STAU2: variants seen among roughly 807,000 people sequenced by gnomAD.
The protein encoded by STAU2 is double-stranded RNA-binding protein Staufen homolog 2.
In STAU2, 20 loss-of-function variants were observed where a neutral mutation model predicts 65.9. That is an observed-to-expected ratio of 0.30 (90% confidence interval 0.21 to 0.44). STAU2 has a LOEUF of 0.44. Among genes scored for constraint, STAU2 ranks in the 20% least tolerant of loss-of-function variants. The pLI is 1.00. For synonymous variants in STAU2, 232 were observed against 233.9 expected, an observed-to-expected ratio of 0.99 and a Z score of 0.07; for missense variants, 558 against 683.9, an observed-to-expected ratio of 0.82 and a Z score of 2.05.
intron 13 of STAU2, among the ~76,000 whole-genome samples, chr8:73,499,824 A>G (rs781660611): frequency 1.3e-5 from 2 of 151,828 alleles, no homozygotes; most frequent in African/African-American, 4.8e-5. Context: ...GTGAGAAAAC[A>G]AGTCCCAGGA....
chr8:73,562,984 C>T (rs1342263888), intron 12 of STAU2, among the ~76,000 whole-genome samples: 1 of 151,872 alleles, frequency 6.6e-6, no homozygotes, highest in African/African-American at 2.4e-5. Context: ...ATATAAAGTA[C>T]TTATCCAATT....
At chr8:73,724,680 T>A (rs1805500062) in intron 3 of STAU2, among the ~76,000 whole-genome samples, 4 of 146,474 alleles carry the variant, frequency 2.7e-5, no homozygotes, top group African/African-American at 1.0e-4. Flanking sequence ...TGTGTGTATA[T>A]ATATATATAT....
intron 13 of STAU2, among the ~76,000 whole-genome samples, chr8:73,443,839 C>T (rs905353960): frequency 2.2e-5 from 3 of 136,746 alleles, no homozygotes; most frequent in South Asian, 2.3e-4. Context: ...CAGAGTGACA[C>T]CCTGTCTCTT....
At chr8:73,658,955 A>AC (rs398008329) in intron 6 of STAU2, among the ~76,000 whole-genome samples, 1 of 150,286 alleles carries the variant, frequency 6.7e-6, no homozygotes, top group Non-Finnish European at 1.5e-5. Context: ...AAAAAAAAAA[A>AC]CCAACCATAC....
chr8:73,564,900 T>A (rs1808489312), intron 12 of STAU2, among the ~76,000 whole-genome samples: 1 of 152,050 alleles, frequency 6.6e-6, no homozygotes, highest in African/African-American at 2.4e-5. Context: ...GTTGTCCCAG[T>A]ATGGGTGTCG....
chr8:73,635,395 T>C (rs1814413837), intron 6 of STAU2, among the ~76,000 whole-genome samples: 1 of 152,116 alleles, frequency 6.6e-6, no homozygotes, highest in Admixed American at 6.5e-5. Flanking sequence ...TTTTAATAGC[T>C]TGAATTTGAA....
intron 13 of STAU2, among the ~76,000 whole-genome samples, chr8:73,481,593 A>G (rs1820638174): frequency 6.6e-6 from 1 of 151,694 alleles, no homozygotes; most frequent in African/African-American, 2.4e-5. Context: ...GCAACCCCAC[A>G]TTTATATAAT....
chr8:73,669,668 T>TCTCG, intron 6 of STAU2, among the ~76,000 whole-genome samples: 1 of 151,000 alleles, frequency 6.6e-6, no homozygotes, highest in African/African-American at 2.4e-5. Flanking sequence ...TCTCTCTCTC[T>TCTCG]CTCAACATTC....
At chr8:73,516,672 G>C (rs1019820874) in intron 13 of STAU2, among the ~76,000 whole-genome samples, 1 of 152,124 alleles carries the variant, frequency 6.6e-6, no homozygotes, top group African/African-American at 2.4e-5. Flanking sequence ...AATTGAAGGT[G>C]TATTGCTAAG....
intron 12 of STAU2, among the ~76,000 whole-genome samples, chr8:73,556,058 C>G (rs1807740909): frequency 6.6e-6 from 1 of 152,064 alleles, no homozygotes; most frequent in South Asian, 2.1e-4. Context: ...CCTGTTTTAT[C>G]TATGCACTTT....
intron 6 of STAU2, among the ~76,000 whole-genome samples, chr8:73,629,663 T>C (rs1452649490): frequency 6.6e-6 from 1 of 152,246 alleles, no homozygotes; most frequent in African/African-American, 2.4e-5. Flanking sequence ...TAGAAATTTC[T>C]TCGGCTATGA....
intron 4 of STAU2, among the ~76,000 whole-genome samples, chr8:73,699,344 T>C (rs962352970): frequency 6.6e-6 from 1 of 151,294 alleles, no homozygotes; most frequent in African/African-American, 2.4e-5. Flanking sequence ...AATAAATGAA[T>C]TTGAAATGAA....
chr8:73,482,953 C>T (rs1451717626), intron 13 of STAU2, among the ~76,000 whole-genome samples: 1 of 152,106 alleles, frequency 6.6e-6, no homozygotes, highest in Non-Finnish European at 1.5e-5. Context: ...GTAAACAGAG[C>T]TCCCATATCT....
chr8:73,449,384 C>T (rs1242596838), intron 13 of STAU2, among the ~76,000 whole-genome samples: 3 of 152,246 alleles, frequency 2.0e-5, no homozygotes, highest in East Asian at 1.9e-4. Context: ...TCCTGATCCC[C>T]TCTTCTGAGG....
chr8:73,579,800 A>G (rs1447229409), intron 12 of STAU2, among the ~76,000 whole-genome samples: 2 of 152,218 alleles, frequency 1.3e-5, no homozygotes, highest in Admixed American at 6.5e-5. Context: ...GCAGCACCCA[A>G]AAACTAGGTC....
At chr8:73,485,119 C>T (rs1202871374) in intron 13 of STAU2, among the ~76,000 whole-genome samples, 2 of 143,926 alleles carry the variant, frequency 1.4e-5, no homozygotes, top group Non-Finnish European at 3.0e-5. Flanking sequence ...TGCTTTGTTA[C>T]CCTGAGAACT....
At chr8:73,557,607 C>T (rs1046386846) in intron 12 of STAU2, among the ~76,000 whole-genome samples, 1 of 152,176 alleles carries the variant, frequency 6.6e-6, no homozygotes, top group African/African-American at 2.4e-5. Flanking sequence ...TTCAGTTACT[C>T]TAAATAATCA....
intron 6 of STAU2, among the ~76,000 whole-genome samples, chr8:73,654,664 A>AAAAAAAACAC (rs1554556802): frequency 8.1e-6 from 1 of 122,986 alleles, no homozygotes; most frequent in Admixed American, 8.8e-5. Context: ...AAAAAAAAGA[A>AAAAAAAACAC]CTCTTTTAAT....
chr8:73,724,695 T>A (rs35021298), intron 3 of STAU2, among the ~76,000 whole-genome samples: 25,307 of 135,138 alleles, frequency 0.19, 2,338 homozygotes, highest in East Asian at 0.33. Context: ...ATATATATTT[T>A]TTTTTTTTTT....
Sources: gnomAD v4.1 joint callset for allele counts (sites outside exome capture counted in the v4.1 genomes callset) on GRCh38, gnomAD v4.1.1 for gene constraint, MANE v1.5 for transcripts, NCBI Gene and HGNC (gene_info 2026-07-23, HGNC 2026-07-21) for gene names.